Variants in PDCL observed in about 807,000 individuals in gnomAD.
PDCL encodes phosducin-like protein.
PDCL carries 11 observed loss-of-function variants against 26.7 expected under a neutral mutation model. The ratio of observed to expected loss-of-function variants is 0.41; its 90% CI spans 0.26 to 0.68. The LOEUF is 0.68. Ranked by LOEUF, PDCL falls within the 30% of genes least tolerant of loss-of-function variation. PDCL has a pLI of 0.30. For missense variants in PDCL, 330 were observed against 371.6 expected, an observed-to-expected ratio of 0.89 and a Z score of 0.92; for synonymous variants, 118 against 134.9, an observed-to-expected ratio of 0.87 and a Z score of 0.87.
At chr9:122,824,751 TC>T (rs1232039613) in intron 2 of PDCL, among the ~76,000 whole-genome samples, 1 of 152,234 alleles carries the variant, frequency 6.6e-6, no homozygotes, top group African/African-American at 2.4e-5. Flanking sequence ...TTTAATGCAT[TC>T]CCAATGAAAA....
In PDCL at chr9:122,819,896, G is replaced by C. The variant is rs1188976610; in HGVS notation, c.*189C>G. ...AGCCTGGCTTCCTGTTTATACAACT[G>C]TAAGTCACCTTATTGCTAGCTACAA... On this transcript the variant is annotated 3_prime_UTR_variant, in exon 4 of 4. Coordinates refer to ENST00000259467, the MANE Select transcript of PDCL (RefSeq NM_005388.5). The C allele has an allele frequency of 2.0e-6, 1 of 507,160 alleles. No homozygotes were observed. The highest frequency in any genetic ancestry group is 3.3e-5 in the East Asian group (1 of 30,142). 31.4% of individuals were successfully genotyped at this position (507,160 alleles called of 1,614,324 possible).
intron 2 of PDCL, among the ~76,000 whole-genome samples, chr9:122,825,315 C>T (rs1445214694): frequency 6.6e-6 from 1 of 152,012 alleles, no homozygotes; most frequent in African/African-American, 2.4e-5. Context: ...CCGCATGCCC[C>T]CACACCTGGC....
rs1398743451 is a variant in PDCL, at chr9:122,818,135, G to A, written c.*1950C>T. ...ATACAAAAATTAGCCAGGCGTGATG[G>A]CATGTGCCTGTAGTCCCAGCTACTC... On this transcript the variant is annotated 3_prime_UTR_variant, in exon 4 of 4. Transcript: ENST00000259467. Among the ~76,000 whole-genome samples the A allele has an allele frequency of 6.6e-6, 1 of 152,166 alleles. No individual in the cohort carries two copies. The highest frequency in any genetic ancestry group is 1.5e-5 in the Non-Finnish European group (1 of 68,040).
chr9:122,827,406 T>A (rs1392159526), intron 1 of PDCL, among the ~76,000 whole-genome samples: 1 of 152,134 alleles, frequency 6.6e-6, no homozygotes, highest in Non-Finnish European at 1.5e-5. Context: ...ATACAAAGAT[T>A]TTAATAACTC....
At position 122,828,571 on chromosome 9, in the gene PDCL, G is replaced by A. The variant is rs1326032796; in HGVS notation, c.-106C>T. On this transcript the variant is annotated 5_prime_UTR_variant, in exon 1 of 4. Transcript: ENST00000259467. ...GAAGAGCAGTGGGTCAGCGCCCTGA[G>A]CGCTAAAGAGAAAAGCCGCCGAAGC... 14 of 152,250 alleles carry A rather than the reference G, an allele frequency of 9.2e-5. No homozygotes were observed. The highest frequency in any genetic ancestry group is 5.9e-4 in the Admixed American group (9 of 15,280). The allele number at this position is 152,250 out of a possible 1,614,324, so 9.4% of individuals were successfully genotyped here. A position where few individuals can be genotyped will look rare whatever the true frequency, so the allele number is the denominator to read the frequency against.
At chr9:122,824,085 T>A (rs1304889606) in intron 2 of PDCL, among the ~76,000 whole-genome samples, 2 of 152,288 alleles carry the variant, frequency 1.3e-5, no homozygotes, top group Admixed American at 6.5e-5. Context: ...GAATTTTTTA[T>A]AACAATTTTT....
chr9:122,819,041 CTGATA>C lies in PDCL; in HGVS notation c.*1039_*1043del, dbSNP rs1371729817. 1 of 151,798 alleles carries C rather than the reference CTGATA, an allele frequency of 6.6e-6. No homozygotes were observed. Among genetic ancestry groups the C allele is most frequent in the African/African-American group, 2.4e-5 (1 of 41,354 alleles). 9.4% of individuals were successfully genotyped at this position (151,798 alleles called of 1,614,324 possible). On this transcript the variant is annotated 3_prime_UTR_variant, in exon 4 of 4. Transcript: ENST00000259467. ...AATATTTAATAATATAAAAAAAGGT[CTGATA>C]TATTATTAGCTGACCATACTATAGA...
Position 122,820,546 on chromosome 9 carries a change from G to A in PDCL, c.445C>T (p.Arg149Trp), listed in dbSNP as rs147830688. The A allele has an allele frequency of 9.3e-6, 15 of 1,613,882 alleles. No homozygotes were observed. In the African/African-American group the frequency reaches 1.2e-4, roughly 13 times the overall value. The change falls in exon 4 of 4, where the codon CGG (arginine) becomes TGG (tryptophan). Residue 149 changes from arginine (R) to tryptophan (W), a missense_variant. Arg to Trp is a moderately radical substitution (Grantham distance 101). Coordinates refer to ENST00000259467, the MANE Select transcript of PDCL (RefSeq NM_005388.5). ...TGGGGCCCCTTGTGAAGCTGCTGCCGCATCTCTTCCATTCGCTGCTTCCGG... is the reference window on the plus strand; with the variant it reads ...TGGGGCCCCTTGTGAAGCTGCTGCCACATCTCTTCCATTCGCTGCTTCCGG... The part of the protein sequence containing the change: ...QYRKQRMEEM[R>W]QQLHKGPQFK...
chr9:122,828,025 G>A (rs974758002), intron 1 of PDCL, among the ~76,000 whole-genome samples: 1 of 152,194 alleles, frequency 6.6e-6, no homozygotes, highest in African/African-American at 2.4e-5. Context: ...GGGTCAACGG[G>A]AGAATCGGAG....
chr9:122,828,567 C>T lies in PDCL; in HGVS notation c.-102G>A, dbSNP rs1402463391. The T allele has an allele frequency of 6.6e-6, 1 of 152,222 alleles. No homozygotes were observed. The highest frequency in any genetic ancestry group is 2.4e-5 in the African/African-American group (1 of 41,446). The allele number at this position is 152,222 out of a possible 1,614,324, so 9.4% of individuals were successfully genotyped here. On this transcript the variant is annotated 5_prime_UTR_variant, in exon 1 of 4. Coordinates refer to ENST00000259467, the MANE Select transcript of PDCL (RefSeq NM_005388.5). ...AGAGGAAGAGCAGTGGGTCAGCGCC[C>T]TGAGCGCTAAAGAGAAAAGCCGCCG...
intron 1 of PDCL, among the ~76,000 whole-genome samples, chr9:122,828,221 C>T (rs1163301596): frequency 6.6e-6 from 1 of 151,998 alleles, no homozygotes; most frequent in Admixed American, 6.6e-5. Flanking sequence ...GAGGGCGGGC[C>T]CCCTGGAGAC....
At chr9:122,826,511 A>C in intron 2 of PDCL, 105 bp downstream of exon 2, 1 of 1,008,980 alleles carries the variant, frequency 9.9e-7, no homozygotes, top group Non-Finnish European at 1.4e-6. Flanking sequence ...GTGGGACCAG[A>C]GTTAAAAGTG....
rs1829525128 is a variant in PDCL at position 122,819,351 on chromosome 9, G to A, written c.*734C>T. 6.6e-6 allele frequency: 1 copy of A among 151,522 alleles called. No individual in the cohort carries two copies. Among genetic ancestry groups the A allele is most frequent in the African/African-American group, 2.4e-5 (1 of 41,294 alleles). 9.4% of individuals were successfully genotyped at this position (151,522 alleles called of 1,614,324 possible). ...ACCTTGTTAAACAAAAAGTTACCTT[G>A]TTAAACAAAAAAGAGACAAAGACAA... On this transcript the variant is annotated 3_prime_UTR_variant, in exon 4 of 4. Coordinates refer to ENST00000259467, the MANE Select transcript of PDCL (RefSeq NM_005388.5).
chr9:122,826,563 T>C (rs1829630996), intron 2 of PDCL, 53 bp downstream of exon 2: 1 of 1,415,050 alleles, frequency 7.1e-7, no homozygotes, highest in African/African-American at 1.4e-5. Context: ...AATTAATATG[T>C]ATTTAATGTA....
At chr9:122,826,941 A>G (rs1488786665) in intron 1 of PDCL, 149 bp from the exon 2 acceptor site, 1 of 674,226 alleles carries the variant, frequency 1.5e-6, no homozygotes, top group Non-Finnish European at 2.5e-6. Context: ...ACAAATCCCT[A>G]CCGTTACCCT....
At position 122,818,631 on chromosome 9, in the gene PDCL, T is replaced by C. The variant is rs1829515176; in HGVS notation, c.*1454A>G. Reference sequence around the variant, plus strand: ...AATACTTTCAAGACTCTTTTACAGTTAGTCAATTCCTGAAAAGCCAGGAAA... The same window carrying C: ...AATACTTTCAAGACTCTTTTACAGTCAGTCAATTCCTGAAAAGCCAGGAAA... On this transcript the variant is annotated 3_prime_UTR_variant, in exon 4 of 4. Transcript: ENST00000259467. The C allele has an allele frequency of 6.6e-6, 1 of 151,948 alleles. No homozygotes were observed. The highest frequency in any genetic ancestry group is 1.5e-5 in the Non-Finnish European group (1 of 67,954). The allele number at this position is 151,948 out of a possible 1,614,324, so 9.4% of individuals were successfully genotyped here. A position where few individuals can be genotyped will look rare whatever the true frequency, so the allele number is the denominator to read the frequency against.
intron 1 of PDCL, 143 bp downstream of exon 1, chr9:122,828,328 G>A (rs1338124465): frequency 6.5e-6 from 1 of 152,730 alleles, no homozygotes; most frequent in Non-Finnish European, 1.5e-5. Flanking sequence ...GGGGCCAGAG[G>A]AGGAAAGGGG....
chr9:122,820,762 T>C (rs1304032902), intron 3 of PDCL, 126 bp from the exon 4 acceptor site: 1 of 692,440 alleles, frequency 1.4e-6, no homozygotes, highest in African/African-American at 1.9e-5. Flanking sequence ...GACGAGCGGA[T>C]CACTTGAGGT....
intron 1 of PDCL, among the ~76,000 whole-genome samples, chr9:122,827,326 C>T (rs1178873164): frequency 6.6e-6 from 1 of 152,196 alleles, no homozygotes; most frequent in Non-Finnish European, 1.5e-5. Flanking sequence ...ACTTCCCAGA[C>T]AACACCCTGA....
Sources: allele counts gnomAD v4.1 joint callset (sites outside exome capture counted in the v4.1 genomes callset), GRCh38; gene constraint gnomAD v4.1.1; transcripts MANE v1.5; gene names NCBI Gene and HGNC (gene_info 2026-07-23, HGNC 2026-07-21).